KIFC3: variants seen among roughly 807,000 people sequenced by gnomAD.
KIFC3 encodes the protein kinesin-like protein KIFC3.
Under a neutral mutation model 101.8 loss-of-function variants are expected in KIFC3, and 60 were observed. The observed-to-expected ratio is 0.59, with a 90% CI of 0.48 to 0.73. The LOEUF (loss-of-function observed/expected upper bound fraction) is 0.73, where lower values mean the gene tolerates loss of function less well. KIFC3 is among the 30% of genes least tolerant of loss of function. The pLI is 0.00. For missense variants in KIFC3, 966 were observed against 1,137.1 expected, an observed-to-expected ratio of 0.85 and a Z score of 2.16; for synonymous variants, 476 against 482.7, an observed-to-expected ratio of 0.99 and a Z score of 0.18.
intron 1 of KIFC3, among the ~76,000 whole-genome samples, chr16:57,827,216 G>A (rs2055477717): frequency 6.6e-6 from 1 of 152,226 alleles, no homozygotes; most frequent in Non-Finnish European, 1.5e-5. Context: ...GCTGGTGGGA[G>A]CCTGGCGTCA....
intron 3 of KIFC3, among the ~76,000 whole-genome samples, chr16:57,783,050 T>C (rs2052908500): frequency 6.6e-6 from 1 of 152,218 alleles, no homozygotes. Flanking sequence ...AGCTCGGGGG[T>C]TCTCCTAAGA....
intron 1 of KIFC3, among the ~76,000 whole-genome samples, chr16:57,823,361 C>A (rs1596792266): frequency 6.6e-6 from 1 of 152,172 alleles, no homozygotes; most frequent in East Asian, 1.9e-4. Context: ...TATATTATGT[C>A]TCCCTAAAAT....
rs200189106 is a variant in KIFC3, at chr16:57,769,647, A to G, written c.1166T>C (p.Val389Ala). 2 of 1,610,292 alleles carry G rather than the reference A, an allele frequency of 1.2e-6. No individual in the cohort carries two copies. Among genetic ancestry groups the G allele is most frequent in the Non-Finnish European group, 1.7e-6 (2 of 1,179,848 alleles). ...CTGCAGCAGCAGTGGGAAGCCGCGC[A>G]CCTGCCGCTTGAGCCCATTGTAGTC... ...TNDYNGLKRQVRGFPLLLQEA... is the reference protein window; with the variant it reads ...TNDYNGLKRQARGFPLLLQEA... The change falls in exon 9 of 20, where the codon GTG becomes GCG. Residue 389 changes from valine (V) to alanine (A), a missense_variant. By Grantham distance (64) the Val-to-Ala change is moderately conservative. Around this residue, in one of 2 missense-constraint regions of KIFC3, gnomAD observed 689 missense variants for 884.6 expected, o/e 0.78. Coordinates refer to ENST00000445690, the MANE Select transcript of KIFC3 (RefSeq NM_001130100.2). The surrounding 1 kb of genome is among the most constrained non-coding windows in gnomAD (Gnocchi z 4.3).
intron 1 of KIFC3, among the ~76,000 whole-genome samples, chr16:57,818,406 C>G (rs1555629298): frequency 6.6e-6 from 1 of 152,174 alleles, no homozygotes; most frequent in Non-Finnish European, 1.5e-5. Flanking sequence ...CCTCTGTCAC[C>G]CAGGCTGGAG....
Position 57,760,402 on chromosome 16 carries a change from C to T in KIFC3, c.2247G>A (p.Glu749=). 6.2e-7 allele frequency: 1 copy of T among 1,613,796 alleles called. No individual in the cohort carries two copies. The highest frequency in any genetic ancestry group is 8.5e-7 in the Non-Finnish European group (1 of 1,179,954). Reference sequence around the variant, plus strand: ...AATAGAGCGTCTCGCTAGTGTTCTTCTCCACGGGGGACACCTAGGGGACAC... The same window carrying T: ...AATAGAGCGTCTCGCTAGTGTTCTTTTCCACGGGGGACACCTAGGGGACAC... ...TLMVVQVSPV[E]KNTSETLYSL... Residue 749 remains glutamate (E), a synonymous_variant, in exon 17 of 20, where the codon GAG becomes GAA. Transcript: ENST00000445690.
intron 2 of KIFC3, 103 bp from the exon 3 acceptor site, chr16:57,795,244 A>G: frequency 7.3e-7 from 1 of 1,361,702 alleles, no homozygotes; most frequent in Non-Finnish European, 1.0e-6. Flanking sequence ...GCTTTCACAC[A>G]TCCCTGGCTG....
intron 11 of KIFC3, 126 bp downstream of exon 11, chr16:57,765,333 C>G: frequency 2.1e-6 from 2 of 943,788 alleles, no homozygotes; most frequent in South Asian, 3.5e-5. Flanking sequence ...AGGACCCTGG[C>G]TCCCCACTTC....
At chr16:57,783,997 T>C (rs1342771201) in intron 3 of KIFC3, among the ~76,000 whole-genome samples, 1 of 152,200 alleles carries the variant, frequency 6.6e-6, no homozygotes, top group Admixed American at 6.5e-5. Context: ...GAGTACACTT[T>C]CCTCTGCTCT....
intron 1 of KIFC3, among the ~76,000 whole-genome samples, chr16:57,822,548 G>T (rs910284447): frequency 1.3e-5 from 2 of 151,926 alleles, no homozygotes; most frequent in East Asian, 1.9e-4. Context: ...AATACAAAAA[G>T]TAGCTGGGTG....
rs782051550 is a variant in KIFC3 at position 57,816,236 on chromosome 16, C to T, written c.109-17954G>A. On this transcript the variant is annotated intron_variant, in intron 1 of 2. Transcript: ENST00000563028. ...CATTCACAGGTGAGAAAACCGAGGC[C>T]CGGAAAGTGTCAACCCAAATCACGA... 13 of 1,288,726 alleles carry T rather than the reference C, an allele frequency of 1.0e-5. No homozygotes were observed. In the South Asian group the frequency reaches 1.1e-4, roughly 11 times the overall value. The allele number at this position is 1,288,726 out of a possible 1,614,324, so 79.8% of individuals were successfully genotyped here. A position where few individuals can be genotyped will look rare whatever the true frequency, so the allele number is the denominator to read the frequency against.
upstream of KIFC3, chr16:57,803,458 A>G: frequency 2.1e-6 from 1 of 469,268 alleles, no homozygotes; most frequent in Non-Finnish European, 4.2e-6. Context: ...TTCTGCAGAT[A>G]ATCCCAGGAG....
chr16:57,832,209 C>T (rs1484800277), intron 1 of KIFC3, among the ~76,000 whole-genome samples: 2 of 150,266 alleles, frequency 1.3e-5, no homozygotes, highest in African/African-American at 4.9e-5. Context: ...TTGGTAGAGA[C>T]GGGGTTTCAC....
intron 1 of KIFC3, among the ~76,000 whole-genome samples, chr16:57,841,549 C>A (rs2055809970): frequency 6.6e-6 from 1 of 152,124 alleles, no homozygotes; most frequent in Admixed American, 6.6e-5. Context: ...TGCCTGTAAA[C>A]CCAGCTGCTT....
chr16:57,828,436 G>A (rs1555631167), intron 1 of KIFC3, among the ~76,000 whole-genome samples: 1 of 152,230 alleles, frequency 6.6e-6, no homozygotes, highest in Non-Finnish European at 1.5e-5. Context: ...GAAATGGTGT[G>A]AGTGGCAAAA....
In KIFC3 at chr16:57,759,541, C is replaced by A. The variant is rs913739415; in HGVS notation, c.2476+187G>T. ...CCACAGACCTTCCATTTCCCACCTG[C>A]AGAACGGACACAGCACTGTCTGCCC... On this transcript the variant is annotated intron_variant, in intron 18 of 19. Transcript: ENST00000445690. 2.1e-4 allele frequency: 125 copies of A among 588,680 alleles called. 1 individual carries two copies. Among genetic ancestry groups the A allele is most frequent in the Middle Eastern group, 5.4e-4 (2 of 3,688 alleles). The allele number at this position is 588,680 out of a possible 1,614,324, so 36.5% of individuals were successfully genotyped here.
At chr16:57,762,495 G>A (rs1450272758) in intron 12 of KIFC3, among the ~76,000 whole-genome samples, 9 of 152,344 alleles carry the variant, frequency 5.9e-5, no homozygotes, top group East Asian at 1.9e-4. Flanking sequence ...ACTACCCTGA[G>A]ACTTATAGTG....
chr16:57,806,457 A>T (rs2054939623), upstream of KIFC3, among the ~76,000 whole-genome samples: 1 of 152,088 alleles, frequency 6.6e-6, no homozygotes, highest in South Asian at 2.1e-4. Flanking sequence ...CCGACCCTGG[A>T]TCATGATGGC....
chr16:57,809,089 G>C (rs1160243097), intron 1 of KIFC3, among the ~76,000 whole-genome samples: 1 of 152,058 alleles, frequency 6.6e-6, no homozygotes, highest in Non-Finnish European at 1.5e-5. Context: ...CCCAGGAGTT[G>C]GTCAGCCTGG....
chr16:57,780,881 G>A (rs2149077482), intron 3 of KIFC3, among the ~76,000 whole-genome samples: 1 of 151,940 alleles, frequency 6.6e-6, no homozygotes, highest in African/African-American at 2.4e-5. Flanking sequence ...CACCATGTTG[G>A]CCAGGCTGGT....
Sources: gnomAD v4.1 joint callset for allele counts (sites outside exome capture counted in the v4.1 genomes callset) on GRCh38, gnomAD v4.1.1 for gene constraint, gnomAD v4.1.1 regional missense constraint, Gnocchi (gnomAD v3.1) non-coding constraint, MANE v1.5 for transcripts, NCBI Gene and HGNC (gene_info 2026-07-23, HGNC 2026-07-21) for gene names.